Variants in WWOX observed in about 807,000 individuals in gnomAD.
The protein encoded by WWOX is WW domain-containing oxidoreductase.
WWOX carries 69 observed loss-of-function variants against 46.2 expected under a neutral mutation model. The ratio of observed to expected loss-of-function variants is 1.49; its 90% confidence interval spans 1.23 to 1.82. The LOEUF (loss-of-function observed/expected upper bound fraction) is 1.82, where lower values mean the gene tolerates loss of function less well. Among genes scored for constraint, WWOX ranks in the 40% most tolerant of loss-of-function variants. The pLI, the probability that WWOX is intolerant of heterozygous loss-of-function variation, is 0.00. For synonymous variants in WWOX, 359 were observed against 202.6 expected, an observed-to-expected ratio of 1.77 and a Z score of -6.56; for missense variants, 919 against 542.6, an observed-to-expected ratio of 1.69 and a Z score of -6.89.
At chr16:78,480,849 C>T (rs903715647) in intron 8 of WWOX, among the ~76,000 whole-genome samples, 3 of 152,282 alleles carry the variant, frequency 2.0e-5, no homozygotes, top group African/African-American at 7.2e-5. Flanking sequence ...ATTGAGACAT[C>T]AGATTATGTG....
intron 8 of WWOX, among the ~76,000 whole-genome samples, chr16:78,952,473 C>G (rs2046081403): frequency 6.6e-6 from 1 of 151,674 alleles, no homozygotes; most frequent in African/African-American, 2.4e-5. Context: ...ACCTCCACCT[C>G]CCAGGTTCAG....
At chr16:79,044,957 G>C (rs887166803) in intron 8 of WWOX, among the ~76,000 whole-genome samples, 2 of 152,150 alleles carry the variant, frequency 1.3e-5, no homozygotes, top group Admixed American at 6.5e-5. Flanking sequence ...GAGATAATGT[G>C]CATAAAGATT....
intron 8 of WWOX, among the ~76,000 whole-genome samples, chr16:78,986,526 C>G (rs1435763367): frequency 6.6e-6 from 1 of 152,126 alleles, no homozygotes; most frequent in Admixed American, 6.5e-5. Context: ...ATGTAAGTAA[C>G]CTGTGCAGAG....
chr16:78,693,424 A>G (rs2142271997), intron 8 of WWOX, among the ~76,000 whole-genome samples: 1 of 152,266 alleles, frequency 6.6e-6, no homozygotes, highest in East Asian at 1.9e-4. Flanking sequence ...TCTGTCAGCC[A>G]CCCTATATGC....
At chr16:79,052,083 C>T (rs889952736) in intron 8 of WWOX, among the ~76,000 whole-genome samples, 10 of 150,002 alleles carry the variant, frequency 6.7e-5, no homozygotes, top group African/African-American at 2.0e-4. Context: ...TACATGTGCA[C>T]GTTGTGCAGG....
intron 3 of WWOX, among the ~76,000 whole-genome samples, chr16:78,110,972 A>G (rs893202636): frequency 2.6e-5 from 4 of 152,070 alleles, no homozygotes; most frequent in African/African-American, 9.7e-5. Flanking sequence ...CAGGATTAGG[A>G]TTGGTTGGTT....
At chr16:79,166,984 C>T (rs112877850) in intron 8 of WWOX, among the ~76,000 whole-genome samples, 3,659 of 152,094 alleles carry the variant, frequency 0.024, 62 homozygotes, top group Non-Finnish European at 0.037. Context: ...CTGTGTCATC[C>T]AGGCTGGAGT....
Position 79,070,181 on chromosome 16 carries a change from A to C in WWOX, c.1057-141427A>C, listed in dbSNP as rs189496368. ...GCAATGCAGGTCAGCTGCAGTGCCT[A>C]ATGTTTATAAAACTTGTAAATGTTG... On this transcript the variant is annotated intron_variant, in intron 8 of 8. Coordinates refer to ENST00000566780, the MANE Select transcript of WWOX (RefSeq NM_016373.4). Among the ~76,000 whole-genome samples, 461 of 152,294 alleles carry C rather than the reference A, an allele frequency of 3.0e-3. 11 individuals carry two copies. The highest frequency in any genetic ancestry group is 0.024 in the Admixed American group (372 of 15,298).
In WWOX at chr16:78,745,593, C is replaced by T. The variant is rs1336642482; in HGVS notation, c.1056+312841C>T. ...GGAAATGTAACATTTTAAAGCCCTT[C>T]TTGGCTGGAGGATTTTTTATGGTAA... is the stretch of plus-strand genomic sequence containing the variant. On this transcript the variant is annotated intron_variant, in intron 8 of 8. Coordinates refer to ENST00000566780, the MANE Select transcript of WWOX (RefSeq NM_016373.4). Among the ~76,000 whole-genome samples, 3 of 125,112 alleles carry T rather than the reference C, an allele frequency of 2.4e-5. 1 individual carries two copies. The highest frequency in any genetic ancestry group is 9.5e-5 in the African/African-American group (3 of 31,444). 82.1% of individuals were successfully genotyped at this position (125,112 alleles called of 152,430 possible).
intron 8 of WWOX, among the ~76,000 whole-genome samples, chr16:78,540,016 TCTCTCACACACACACA>T (rs1174135721): frequency 2.5e-5 from 3 of 120,722 alleles, no homozygotes; most frequent in African/African-American, 8.5e-5. Flanking sequence ...TCTCTCTCTC[TCTCTCACACACACACA>T]CACACACACA....
intron 8 of WWOX, among the ~76,000 whole-genome samples, chr16:78,955,719 A>G (rs987364123): frequency 2.0e-5 from 3 of 151,818 alleles, no homozygotes; most frequent in South Asian, 2.1e-4. Flanking sequence ...CAGTGGCCCA[A>G]TCATGGCAGC....
At chr16:78,855,180 A>T (rs1322378001) in intron 8 of WWOX, among the ~76,000 whole-genome samples, 2 of 152,204 alleles carry the variant, frequency 1.3e-5, no homozygotes, top group African/African-American at 4.8e-5. Context: ...AGAGTTTGAA[A>T]AATAGATTAC....
intron 8 of WWOX, among the ~76,000 whole-genome samples, chr16:78,580,266 G>A (rs1021358614): frequency 1.3e-5 from 2 of 152,006 alleles, no homozygotes; most frequent in Admixed American, 6.6e-5. Flanking sequence ...TAGAGATGGG[G>A]TCTCACTATG....
chr16:78,726,997 G>A (rs888380356), intron 8 of WWOX, among the ~76,000 whole-genome samples: 8 of 152,124 alleles, frequency 5.3e-5, no homozygotes, highest in Non-Finnish European at 7.4e-5. Context: ...TTTTTCCTGA[G>A]AGCAGCCCTC....
intron 8 of WWOX, among the ~76,000 whole-genome samples, chr16:79,009,983 A>C (rs1024265842): frequency 6.6e-6 from 1 of 152,194 alleles, no homozygotes; most frequent in Non-Finnish European, 1.5e-5. Context: ...TCTGAACCTC[A>C]GTATCCTAGG....
chr16:79,118,797 T>C (rs1217747981), intron 8 of WWOX, among the ~76,000 whole-genome samples: 4 of 152,246 alleles, frequency 2.6e-5, no homozygotes, highest in Admixed American at 2.6e-4. Flanking sequence ...ATTTGGCACA[T>C]TGCTTATTTT....
chr16:78,920,742 A>G (rs1597152386), intron 8 of WWOX, among the ~76,000 whole-genome samples: 2 of 152,244 alleles, frequency 1.3e-5, no homozygotes, highest in East Asian at 3.9e-4. Flanking sequence ...TATTATCAGC[A>G]CCATTTCATC....
intron 8 of WWOX, among the ~76,000 whole-genome samples, chr16:78,940,399 T>C (rs113574509): frequency 0.014 from 2,197 of 152,318 alleles, 51 homozygotes; most frequent in African/African-American, 0.05. Context: ...CTTAGCTCAG[T>C]GTTTCTCTAC....
intron 8 of WWOX, among the ~76,000 whole-genome samples, chr16:78,643,353 G>A (rs1421383041): frequency 1.3e-5 from 2 of 152,138 alleles, no homozygotes; most frequent in Non-Finnish European, 2.9e-5. Flanking sequence ...TGAAACTGAG[G>A]CTTCTGGAGG....
Sources: allele counts gnomAD v4.1 joint callset (sites outside exome capture counted in the v4.1 genomes callset), GRCh38; gene constraint gnomAD v4.1.1; transcripts MANE v1.5; gene names NCBI Gene and HGNC (gene_info 2026-07-23, HGNC 2026-07-21).